Variants in EFNB2 observed in about 807,000 individuals in gnomAD.
EFNB2 encodes ephrin-B2.
EFNB2 carries 5 observed loss-of-function variants against 32.1 expected under a neutral mutation model. That is an observed-to-expected ratio of 0.16 (90% CI 0.08 to 0.33). The LOEUF is 0.33. Ranked by LOEUF, EFNB2 falls within the 10% of genes least tolerant of loss-of-function variation. EFNB2 has a pLI of 1.00. For synonymous variants in EFNB2, 168 were observed against 166.5 expected (o/e 1.01, Z -0.07); for missense variants, 263 against 422.6 (o/e 0.62, Z 3.31).
intron 2 of EFNB2, among the ~76,000 whole-genome samples, chr13:106,502,939 ACCGT>A (rs1434766311): frequency 3.3e-5 from 5 of 152,160 alleles, no homozygotes; most frequent in Admixed American, 1.3e-4. Flanking sequence ...AAGAAAACAT[ACCGT>A]CCAGGCTCAG....
At chr13:106,514,864 TAC>T (rs960357982) in intron 1 of EFNB2, among the ~76,000 whole-genome samples, 2 of 152,292 alleles carry the variant, frequency 1.3e-5, no homozygotes, top group African/African-American at 4.8e-5. Flanking sequence ...AAACCAGATG[TAC>T]CCATTTCCTC....
chr13:106,499,718 A>G (rs977380938), intron 2 of EFNB2, among the ~76,000 whole-genome samples: 2 of 152,166 alleles, frequency 1.3e-5, no homozygotes, highest in Non-Finnish European at 2.9e-5. Flanking sequence ...TGGCTCAGGA[A>G]AAAAATAGAC....
intron 1 of EFNB2, among the ~76,000 whole-genome samples, chr13:106,526,522 T>C (rs1400362456): frequency 6.6e-6 from 1 of 152,138 alleles, no homozygotes; most frequent in Non-Finnish European, 1.5e-5. Context: ...AGAACATGTC[T>C]AGGAGAAATC....
chr13:106,505,673 T>A (rs1332243716), intron 2 of EFNB2, among the ~76,000 whole-genome samples: 1 of 152,234 alleles, frequency 6.6e-6, no homozygotes, highest in African/African-American at 2.4e-5. Flanking sequence ...ATCTTCCTGA[T>A]GAATGTTTAA....
At chr13:106,526,737 C>T (rs897216834) in intron 1 of EFNB2, among the ~76,000 whole-genome samples, 1 of 152,112 alleles carries the variant, frequency 6.6e-6, no homozygotes, top group South Asian at 2.1e-4. Flanking sequence ...ATTTGCCTTG[C>T]CCCACTCACT....
At chr13:106,523,290 C>A (rs1879596124) in intron 1 of EFNB2, among the ~76,000 whole-genome samples, 1 of 152,172 alleles carries the variant, frequency 6.6e-6, no homozygotes, top group Admixed American at 6.6e-5. Flanking sequence ...GCCCCCACAA[C>A]TGTGTACCTT....
Position 106,509,733 on chromosome 13 carries a change from A to AACTTATGC in EFNB2, c.406+2788_406+2795dup, listed in dbSNP as rs551402142. ...TCCATTCATTGTTTTGGTGTCTTGG[A>AACTTATGC]ACTTATGCAGAAGCAATACAAAGTC... On this transcript the variant is annotated intron_variant, in intron 2 of 4. Transcript: ENST00000646441. The AACTTATGC allele has an allele frequency of 3.2e-3, 483 of 151,318 alleles. 2 individuals carry two copies. Among genetic ancestry groups the AACTTATGC allele is most frequent in the African/African-American group, 0.011 (466 of 41,218 alleles). The allele number at this position is 151,318 out of a possible 1,614,324, so 9.4% of individuals were successfully genotyped here. A position where few individuals can be genotyped will look rare whatever the true frequency, so the allele number is the denominator to read the frequency against.
At chr13:106,523,501 G>C (rs1879603040) in intron 1 of EFNB2, among the ~76,000 whole-genome samples, 1 of 152,128 alleles carries the variant, frequency 6.6e-6, no homozygotes, top group African/African-American at 2.4e-5. Flanking sequence ...GGATGTGCTG[G>C]GGACTCTGAG....
At chr13:106,516,869 T>C (rs1377194452) in intron 1 of EFNB2, 1 of 152,184 alleles carries the variant, frequency 6.6e-6, no homozygotes, top group Non-Finnish European at 1.5e-5. Flanking sequence ...CATTTAATAT[T>C]ACATATGGAC....
intron 4 of EFNB2, among the ~76,000 whole-genome samples, chr13:106,494,550 T>C (rs1246333698): frequency 1.3e-5 from 2 of 152,240 alleles, no homozygotes; most frequent in Admixed American, 1.3e-4. Flanking sequence ...TAATTACATA[T>C]ACATTAACAT....
At chr13:106,512,467 T>G in intron 2 of EFNB2, 62 bp downstream of exon 2, 1 of 1,115,588 alleles carries the variant, frequency 9.0e-7, no homozygotes, top group Non-Finnish European at 1.2e-6. Flanking sequence ...AACAAAAAAT[T>G]GATACAAACC....
intron 2 of EFNB2, among the ~76,000 whole-genome samples, chr13:106,505,587 A>G (rs568654114): frequency 6.6e-6 from 1 of 152,338 alleles, no homozygotes; most frequent in African/African-American, 2.4e-5. Context: ...CTATACAAAT[A>G]AGTTAAAGTA....
chr13:106,501,541 C>T (rs892087095), intron 2 of EFNB2, among the ~76,000 whole-genome samples: 4 of 152,042 alleles, frequency 2.6e-5, no homozygotes, highest in Non-Finnish European at 5.9e-5. Context: ...TTATGGTATA[C>T]TTTCCCCTAA....
intron 2 of EFNB2, among the ~76,000 whole-genome samples, chr13:106,509,507 A>C (rs1372519932): frequency 6.6e-6 from 1 of 152,196 alleles, no homozygotes; most frequent in Non-Finnish European, 1.5e-5. Context: ...AGTGTTAAAA[A>C]TATACATGTA....
intron 2 of EFNB2, among the ~76,000 whole-genome samples, chr13:106,507,527 TTTTAC>T (rs1163942862): frequency 1.3e-5 from 2 of 152,178 alleles, no homozygotes; most frequent in African/African-American, 4.8e-5. Flanking sequence ...TGTGGAAGCA[TTTTAC>T]TTTATTTTGT....
rs1201267157 is a variant in EFNB2 at position 106,518,896 on chromosome 13, A to G, written c.123-6084T>C. On this transcript the variant is annotated intron_variant, in intron 1 of 4. Transcript: ENST00000646441. The surrounding 1 kb of genome is among the most constrained non-coding windows in gnomAD (Gnocchi z 4.1). ...AAGAGTGTAGATTAACCGAGAAGAA[A>G]ACCCAAATCGCTGGGGGGCCACTTG... The G allele has an allele frequency of 1.3e-5, 2 of 152,018 alleles. No individual in the cohort carries two copies. The highest frequency in any genetic ancestry group is 2.9e-5 in the Non-Finnish European group (2 of 68,016). The allele number at this position is 152,018 out of a possible 1,614,324, so 9.4% of individuals were successfully genotyped here. A position where few individuals can be genotyped will look rare whatever the true frequency, so the allele number is the denominator to read the frequency against.
intron 2 of EFNB2, among the ~76,000 whole-genome samples, chr13:106,500,997 T>C (rs1878759289): frequency 6.6e-6 from 1 of 152,136 alleles, no homozygotes; most frequent in Non-Finnish European, 1.5e-5. Flanking sequence ...AAGAATAAGG[T>C]AAGTTGAAAA....
At chr13:106,504,386 A>G (rs574953707) in intron 2 of EFNB2, among the ~76,000 whole-genome samples, 1 of 152,338 alleles carries the variant, frequency 6.6e-6, no homozygotes, top group Admixed American at 6.5e-5. Flanking sequence ...ACTGCAGAGG[A>G]GAAAATGCGT....
chr13:106,522,846 C>T (rs1157473964), intron 1 of EFNB2, among the ~76,000 whole-genome samples: 1 of 152,200 alleles, frequency 6.6e-6, no homozygotes, highest in Non-Finnish European at 1.5e-5. Flanking sequence ...ATGGGACCCT[C>T]CCTCTGACCC....
Sources: allele counts gnomAD v4.1 joint callset (sites outside exome capture counted in the v4.1 genomes callset), GRCh38; gene constraint gnomAD v4.1.1; non-coding constraint Gnocchi (gnomAD v3.1); transcripts MANE v1.5; gene names NCBI Gene and HGNC (gene_info 2026-07-23, HGNC 2026-07-21).